The following STAU2 variants were observed in gnomAD, a reference collection of about 807,000 sequenced individuals.
STAU2 encodes the protein staufen double-stranded RNA binding protein 2, also known as double-stranded RNA-binding protein Staufen homolog 2.
STAU2 carries 20 observed loss-of-function variants against 65.9 expected under a neutral mutation model. The ratio of observed to expected loss-of-function variants is 0.30; its 90% CI spans 0.21 to 0.44. The LOEUF (loss-of-function observed/expected upper bound fraction) is 0.44. Among genes scored for constraint, STAU2 ranks in the 20% least tolerant of loss-of-function variants. The pLI is 1.00. For missense variants in STAU2, 558 were observed against 683.9 expected (o/e 0.82, Z 2.05); for synonymous variants, 232 against 233.9 (o/e 0.99, Z 0.07).
intron 6 of STAU2, chr8:73,653,576 G>T (rs1252853354): frequency 6.3e-6 from 1 of 159,868 alleles, no homozygotes; most frequent in Admixed American, 6.5e-5. Flanking sequence ...AGGGTAATGT[G>T]TTTTGGGTTG....
chr8:73,701,804 A>G (rs1820123804), intron 4 of STAU2, among the ~76,000 whole-genome samples: 1 of 152,224 alleles, frequency 6.6e-6, no homozygotes, highest in Non-Finnish European at 1.5e-5. Flanking sequence ...GAGTGCTTAC[A>G]ATAGCTAAGA....
At chr8:73,571,425 C>A (rs951402498) in intron 12 of STAU2, among the ~76,000 whole-genome samples, 1 of 152,192 alleles carries the variant, frequency 6.6e-6, no homozygotes, top group Non-Finnish European at 1.5e-5. Context: ...ACTCTCCACC[C>A]CAAATCAACA....
At chr8:73,595,863 T>C (rs1811143147) in intron 10 of STAU2, among the ~76,000 whole-genome samples, 1 of 152,100 alleles carries the variant, frequency 6.6e-6, no homozygotes, top group Admixed American at 6.6e-5. Context: ...ACAGCTGTAA[T>C]CCCACTTTGG....
At chr8:73,557,104 CAGTATTGTTATT>C (rs1413456051) in intron 12 of STAU2, among the ~76,000 whole-genome samples, 1 of 152,098 alleles carries the variant, frequency 6.6e-6, no homozygotes, top group Admixed American at 6.5e-5. Context: ...AGCATTACTT[CAGTATTGTTATT>C]ATACAGGACT....
At chr8:73,660,456 GGCCTGC>G (rs1238539702) in intron 6 of STAU2, among the ~76,000 whole-genome samples, 1 of 152,138 alleles carries the variant, frequency 6.6e-6, no homozygotes, top group Admixed American at 6.5e-5. Flanking sequence ...GTGATCCCTG[GGCCTGC>G]CTGGCTGCCT....
intron 13 of STAU2, among the ~76,000 whole-genome samples, chr8:73,520,781 G>A (rs933648587): frequency 5.3e-5 from 8 of 152,188 alleles, no homozygotes; most frequent in African/African-American, 1.7e-4. Flanking sequence ...GGATGTCAGA[G>A]CTAAGAAATG....
intron 3 of STAU2, among the ~76,000 whole-genome samples, chr8:73,720,495 C>CTTTATT (rs1489195721): frequency 2.3e-5 from 1 of 43,628 alleles, no homozygotes; most frequent in Non-Finnish European, 4.1e-5. Flanking sequence ...GTTTAAAATA[C>CTTTATT]TTTCTTTTTT....
intron 10 of STAU2, among the ~76,000 whole-genome samples, chr8:73,597,604 A>T (rs529892921): frequency 1.3e-4 from 18 of 141,512 alleles, no homozygotes; most frequent in African/African-American, 4.7e-4. Context: ...CAGGAGAAAG[A>T]GGCTGCAGTG....
intron 11 of STAU2, among the ~76,000 whole-genome samples, chr8:73,587,612 T>C (rs1256634845): frequency 6.6e-6 from 1 of 152,150 alleles, no homozygotes; most frequent in African/African-American, 2.4e-5. Flanking sequence ...TGTAGAAAAG[T>C]GTATGTGTGG....
intron 3 of STAU2, among the ~76,000 whole-genome samples, chr8:73,719,635 C>T (rs10106686): frequency 0.072 from 11,014 of 152,172 alleles, 433 homozygotes; most frequent in Middle Eastern, 0.14. Flanking sequence ...TTTTGGAACA[C>T]TAAACCAACC....
In STAU2 at chr8:73,496,690, A is replaced by G. The variant is rs527710818; in HGVS notation, c.1530+55322T>C. On this transcript the variant is annotated intron_variant, in intron 13 of 14. Coordinates refer to ENST00000524300, the MANE Select transcript of STAU2 (RefSeq NM_001164380.2). ...TTTAATAATATTCTTTATTTAACCA[A>G]CACAGTATACCCAATATATTACCAT... Among the ~76,000 whole-genome samples, 246 of 151,144 alleles carry G rather than the reference A, an allele frequency of 1.6e-3. 1 individual carries two copies. The highest frequency in any genetic ancestry group is 5.5e-3 in the African/African-American group (229 of 41,482).
At chr8:73,582,883 GAAA>G in intron 11 of STAU2, 53 bp from the exon 12 acceptor site, 1 of 1,156,336 alleles carries the variant, frequency 8.6e-7, no homozygotes, top group Non-Finnish European at 1.2e-6. Flanking sequence ...TATTCAAAAA[GAAA>G]AAAAAAAAGG....
At chr8:73,655,639 CTTTTTTTTT>C (rs71269930) in intron 6 of STAU2, among the ~76,000 whole-genome samples, 2 of 104,746 alleles carry the variant, frequency 1.9e-5, no homozygotes, top group African/African-American at 4.0e-5. Context: ...TTTAATACAT[CTTTTTTTTT>C]TTTTTTTTTT....
At chr8:73,488,689 T>TAA (rs35869894) in intron 13 of STAU2, among the ~76,000 whole-genome samples, 1,932 of 144,034 alleles carry the variant, frequency 0.013, 22 homozygotes, top group South Asian at 0.02. Context: ...AAGAAATCCT[T>TAA]AAAAAAAAAA....
At chr8:73,491,714 C>G (rs1821163687) in intron 13 of STAU2, among the ~76,000 whole-genome samples, 1 of 151,734 alleles carries the variant, frequency 6.6e-6, no homozygotes, top group Non-Finnish European at 1.5e-5. Flanking sequence ...AGTAAAGAAC[C>G]TTGAAGATAG....
chr8:73,513,059 A>G (rs927889758), intron 13 of STAU2, among the ~76,000 whole-genome samples: 1 of 152,092 alleles, frequency 6.6e-6, no homozygotes, highest in Non-Finnish European at 1.5e-5. Context: ...TTTTCCCCCT[A>G]AGTATTAATC....
At chr8:73,585,432 AT>A (rs1810294398) in intron 11 of STAU2, among the ~76,000 whole-genome samples, 1 of 152,248 alleles carries the variant, frequency 6.6e-6, no homozygotes, top group South Asian at 2.1e-4. Context: ...GTGAGCTGAG[AT>A]CGTGCCATTG....
At chr8:73,676,064 CCATA>C (rs1337012892) in intron 5 of STAU2, among the ~76,000 whole-genome samples, 1 of 151,964 alleles carries the variant, frequency 6.6e-6, no homozygotes, top group Non-Finnish European at 1.5e-5. Context: ...GAAATTACTT[CCATA>C]GTTTAAAAAA....
chr8:73,512,885 T>C (rs1030594570), intron 13 of STAU2, among the ~76,000 whole-genome samples: 1 of 152,220 alleles, frequency 6.6e-6, no homozygotes, highest in Non-Finnish European at 1.5e-5. Context: ...TTTTAAATAA[T>C]TTATCTTGAG....
Sources: allele counts gnomAD v4.1 joint callset (sites outside exome capture counted in the v4.1 genomes callset), GRCh38; gene constraint gnomAD v4.1.1; transcripts MANE v1.5; gene names NCBI Gene and HGNC (gene_info 2026-07-23, HGNC 2026-07-21).